The following NYAP2 variants were observed in gnomAD, a reference collection of about 807,000 sequenced individuals.
NYAP2 encodes neuronal tyrosine-phosphorylated phosphoinositide-3-kinase adaptor 2, also known as neuronal tyrosine-phosphorylated phosphoinositide-3-kinase adapter 2.
Under a neutral mutation model 50.4 loss-of-function variants are expected in NYAP2, and 23 were observed. The observed-to-expected ratio is 0.46, with a 90% confidence interval of 0.33 to 0.65. The LOEUF (loss-of-function observed/expected upper bound fraction) is 0.65, where lower values mean the gene tolerates loss of function less well. NYAP2 is among the 30% of genes least tolerant of loss of function. The pLI is 0.02. For synonymous variants in NYAP2, 394 were observed against 365.2 expected (o/e 1.08, Z -0.90); for missense variants, 885 against 861.0 (o/e 1.03, Z -0.35).
chr2:225,651,408 G>C (rs1219940712), intron 6 of NYAP2, 24 bp from the exon 7 acceptor site: 2 of 1,613,886 alleles, frequency 1.2e-6, no homozygotes, highest in South Asian at 1.1e-5. Flanking sequence ...AGCTAATATT[G>C]TGTCTTTTTC....
intron 4 of NYAP2, among the ~76,000 whole-genome samples, chr2:225,572,903 G>A (rs1692100132): frequency 6.6e-6 from 1 of 151,904 alleles, no homozygotes; most frequent in Non-Finnish European, 1.5e-5. Context: ...CCTCTACTCT[G>A]GTTGTTCTTC....
At chr2:225,555,000 C>A (rs2106212099) in intron 4 of NYAP2, among the ~76,000 whole-genome samples, 1 of 152,240 alleles carries the variant, frequency 6.6e-6, no homozygotes, top group East Asian at 1.9e-4. Context: ...TCATAGCTTT[C>A]TAAATGCAAG....
Position 225,535,110 on chromosome 2 carries a change from A to G in NYAP2, c.523+21438A>G, listed in dbSNP as rs76841792. Among the ~76,000 whole-genome samples, 612 of 152,350 alleles carry G rather than the reference A, an allele frequency of 4.0e-3. 2 individuals carry two copies. Among genetic ancestry groups the G allele is most frequent in the African/African-American group, 0.014 (594 of 41,574 alleles). Reference sequence around the variant, plus strand: ...ATAGCTTTTGGGTGTCTTAGAAGTTAAATGCCAAAGAAGCTGCATGTTCTG... The same window carrying G: ...ATAGCTTTTGGGTGTCTTAGAAGTTGAATGCCAAAGAAGCTGCATGTTCTG... On this transcript the variant is annotated intron_variant, in intron 4 of 6. Coordinates refer to ENST00000636099, the Ensembl canonical transcript of NYAP2.
chr2:225,540,697 CTTAGG>C (rs988588148), intron 4 of NYAP2, among the ~76,000 whole-genome samples: 1 of 152,180 alleles, frequency 6.6e-6, no homozygotes, highest in Non-Finnish European at 1.5e-5. Flanking sequence ...TTGATGGACA[CTTAGG>C]TTACTTCCAA....
At chr2:225,522,557 GAA>G (rs947761630) in intron 4 of NYAP2, among the ~76,000 whole-genome samples, 2 of 152,056 alleles carry the variant, frequency 1.3e-5, no homozygotes, top group Non-Finnish European at 2.9e-5. Context: ...CTCTTTTTAA[GAA>G]TTACCCAAAA....
chr2:225,408,307 C>A (rs536285691), intron 2 of NYAP2, among the ~76,000 whole-genome samples: 1 of 152,110 alleles, frequency 6.6e-6, no homozygotes, highest in South Asian at 2.1e-4. Context: ...AAAAAGGATT[C>A]TTTTCTAGAA....
intron 3 of NYAP2, among the ~76,000 whole-genome samples, chr2:225,449,440 A>T (rs531157875): frequency 6.6e-6 from 1 of 152,308 alleles, no homozygotes; most frequent in African/African-American, 2.4e-5. Flanking sequence ...CTGATTCTTG[A>T]TATTGCAAAA....
intron 3 of NYAP2, among the ~76,000 whole-genome samples, chr2:225,458,753 A>T (rs936276815): frequency 6.6e-6 from 1 of 152,228 alleles, no homozygotes; most frequent in Non-Finnish European, 1.5e-5. Flanking sequence ...TTAAATTCAC[A>T]TGGTATGTTT....
intron 3 of NYAP2, among the ~76,000 whole-genome samples, chr2:225,481,311 T>C (rs567572486): frequency 3.9e-5 from 6 of 152,122 alleles, no homozygotes; most frequent in African/African-American, 1.4e-4. Context: ...ATTATAATAA[T>C]AATTATTTAT....
chr2:225,415,705 A>T (rs1323780384), intron 3 of NYAP2, among the ~76,000 whole-genome samples: 1 of 152,174 alleles, frequency 6.6e-6, no homozygotes, highest in Non-Finnish European at 1.5e-5. Flanking sequence ...CCCTATTTCT[A>T]CATGAAAAGG....
At chr2:225,508,778 T>C (rs1690757218) in intron 3 of NYAP2, among the ~76,000 whole-genome samples, 2 of 152,222 alleles carry the variant, frequency 1.3e-5, no homozygotes, top group African/African-American at 2.4e-5. Context: ...ATCCATTGTC[T>C]AGGAGCTGCC....
At chr2:225,668,956 CTTTTTTTTTTTTTTT>C in the NYAP2 span, among the ~76,000 whole-genome samples, 5 of 69,524 alleles carry the variant, frequency 7.2e-5, no homozygotes, top group African/African-American at 1.2e-4. Flanking sequence ...GTGTCCCCTG[CTTTTTTTTTTTTTTT>C]TTTTTTTTTT....
intron 5 of NYAP2, among the ~76,000 whole-genome samples, chr2:225,600,449 A>G (rs746554906): frequency 2.0e-4 from 30 of 152,182 alleles, no homozygotes; most frequent in Non-Finnish European, 2.8e-4. Context: ...AAGGCAGTCT[A>G]ATCCCCAGGC....
chr2:225,490,406 A>T (rs1032455506), intron 3 of NYAP2, among the ~76,000 whole-genome samples: 4 of 152,246 alleles, frequency 2.6e-5, no homozygotes, highest in African/African-American at 9.6e-5. Flanking sequence ...AGGCATCTTC[A>T]TGAAGGATGC....
At chr2:225,603,355 A>G (rs1692729486) in intron 5 of NYAP2, among the ~76,000 whole-genome samples, 1 of 152,224 alleles carries the variant, frequency 6.6e-6, no homozygotes, top group South Asian at 2.1e-4. Flanking sequence ...TCAGAGATAC[A>G]TTAATAATGG....
At chr2:225,638,149 CGTGTGTTTGTGT>C (rs112813051) in intron 6 of NYAP2, among the ~76,000 whole-genome samples, 227 of 102,894 alleles carry the variant, frequency 2.2e-3, no homozygotes, top group African/African-American at 8.0e-3. Context: ...TAAACAGACT[CGTGTGTTTGTGT>C]GTGTGTGTGT....
chr2:225,606,636 G>T (rs914832742), intron 5 of NYAP2, among the ~76,000 whole-genome samples: 1 of 152,096 alleles, frequency 6.6e-6, no homozygotes, highest in Non-Finnish European at 1.5e-5. Context: ...AACAGAAATG[G>T]TAGAGACATT....
intron 3 of NYAP2, among the ~76,000 whole-genome samples, chr2:225,466,371 G>A (rs540905102): frequency 1.1e-4 from 16 of 152,242 alleles, no homozygotes; most frequent in Non-Finnish European, 2.1e-4. Flanking sequence ...TTTAGAAAGT[G>A]AGCATTTGGG....
intron 3 of NYAP2, among the ~76,000 whole-genome samples, chr2:225,461,882 A>G (rs1283849535): frequency 6.6e-6 from 1 of 152,220 alleles, no homozygotes; most frequent in Non-Finnish European, 1.5e-5. Context: ...AGGAAAGACA[A>G]TAATTTATGT....
Sources: gnomAD v4.1 joint callset for allele counts (sites outside exome capture counted in the v4.1 genomes callset) on GRCh38, gnomAD v4.1.1 for gene constraint, MANE v1.5 for transcripts, NCBI Gene and HGNC (gene_info 2026-07-23, HGNC 2026-07-21) for gene names.